The following ARHGEF33 variants were observed in gnomAD, a reference collection of about 807,000 sequenced individuals.
ARHGEF33 encodes the protein DH and coiled-coil domain-containing protein ENSP00000381780.
Under a neutral mutation model 101.9 loss-of-function variants are expected in ARHGEF33, and 72 were observed. The observed-to-expected ratio is 0.71, with a 90% CI of 0.58 to 0.86. The LOEUF (loss-of-function observed/expected upper bound fraction) is 0.86. ARHGEF33 is among the 40% of genes least tolerant of loss of function. The probability of loss-of-function intolerance (pLI) is 0.00; values close to 1 mark genes in which losing one functional copy is unlikely to be tolerated. For synonymous variants in ARHGEF33, 499 were observed against 442.5 expected (o/e 1.13, Z -1.60); for missense variants, 1,169 against 1,111.3 (o/e 1.05, Z -0.74).
chr2:38,909,232 G>C (rs1471330241), intron 2 of ARHGEF33, among the ~76,000 whole-genome samples: 1 of 152,162 alleles, frequency 6.6e-6, no homozygotes, highest in Non-Finnish European at 1.5e-5. Context: ...GGGCTGACTT[G>C]AGCACCAAGG....
intron 15 of ARHGEF33, 43 bp from the exon 16 acceptor site, chr2:38,959,798 G>C (rs374161605): frequency 2.0e-6 from 3 of 1,485,252 alleles, no homozygotes; most frequent in African/African-American, 1.4e-5. Context: ...TGCACTAACC[G>C]GCCGTAAGCA....
chr2:38,929,062 C>T lies in ARHGEF33; in HGVS notation c.231C>T (p.Asn77=). The T allele has an allele frequency of 1.3e-6, 2 of 1,549,362 alleles. No homozygotes were observed. The highest frequency in any genetic ancestry group is 1.7e-6 in the Non-Finnish European group (2 of 1,145,860). Residue 77 remains asparagine, a synonymous_variant, in exon 5 of 18, where the codon AAC becomes AAT. Transcript: ENST00000409978. The part of the protein sequence containing the change: ...EKVTEMKNSL[N]YFKEELSNAM... ...TTACTGAGATGAAGAATTCATTAAA[C>T]TATTTCAAGGTAGGCCTCTCTTTAA...
chr2:38,898,817 T>G (rs2124978540), intron 2 of ARHGEF33, among the ~76,000 whole-genome samples: 1 of 152,354 alleles, frequency 6.6e-6, no homozygotes, highest in East Asian at 1.9e-4. Context: ...CTTGGAAGAG[T>G]AAACTGTGCA....
rs553835275 is a variant in ARHGEF33, at chr2:38,975,416, A to C, written c.*1573A>C. The C allele has an allele frequency of 6.6e-6, 1 of 152,354 alleles. No individual in the cohort carries two copies. The highest frequency in any genetic ancestry group is 2.1e-4 in the South Asian group (1 of 4,820). The allele number at this position is 152,354 out of a possible 1,614,324, so 9.4% of individuals were successfully genotyped here. ...GGACGTGGAAAGTGAAATACTACAG[A>C]AGTCACAATCTATTAAATAAAATGT... On this transcript the variant is annotated 3_prime_UTR_variant, in exon 18 of 18. Transcript: ENST00000409978.
chr2:38,949,860 C>T (rs542781194), intron 10 of ARHGEF33, among the ~76,000 whole-genome samples: 6 of 152,104 alleles, frequency 3.9e-5, no homozygotes, highest in Admixed American at 6.5e-5. Flanking sequence ...TGTCACAGGG[C>T]GCAGCAGGAG....
chr2:38,921,306 G>A (rs540950261), intron 3 of ARHGEF33, 68 bp from the exon 4 acceptor site: 2 of 934,528 alleles, frequency 2.1e-6, no homozygotes, highest in Non-Finnish European at 1.7e-6. Flanking sequence ...CTTATTCCCT[G>A]CATGTATCTG....
intron 2 of ARHGEF33, among the ~76,000 whole-genome samples, chr2:38,912,531 T>C (rs945945469): frequency 3.3e-5 from 5 of 152,224 alleles, no homozygotes; most frequent in African/African-American, 1.2e-4. Flanking sequence ...AATTCTGTTC[T>C]GGAAACTTAG....
At chr2:38,892,818 C>T (rs1220625905) in intron 1 of ARHGEF33, among the ~76,000 whole-genome samples, 1 of 152,014 alleles carries the variant, frequency 6.6e-6, no homozygotes, top group African/African-American at 2.4e-5. Context: ...CTATCTGTGC[C>T]CTCCTTTCCT....
At chr2:38,951,720 C>T (rs1475096862) in intron 11 of ARHGEF33, among the ~76,000 whole-genome samples, 4 of 151,126 alleles carry the variant, frequency 2.6e-5, no homozygotes, top group Non-Finnish European at 5.9e-5. Context: ...TATATACACA[C>T]ATGAGATATA....
intron 5 of ARHGEF33, 25 bp downstream of exon 5, chr2:38,929,096 C>T (rs996959441): frequency 6.5e-7 from 1 of 1,530,864 alleles, no homozygotes. Context: ...AATTTCCCTG[C>T]TGACAAGAGA....
chr2:38,966,855 A>G (rs1668062742), intron 17 of ARHGEF33, among the ~76,000 whole-genome samples: 1 of 152,198 alleles, frequency 6.6e-6, no homozygotes, highest in Non-Finnish European at 1.5e-5. Context: ...GAGAGAGGTG[A>G]GCATTAGCAT....
Position 38,960,180 on chromosome 2 carries a change from G to C in ARHGEF33, c.1875G>C (p.Leu625=). The C allele has an allele frequency of 2.6e-6, 4 of 1,543,478 alleles. No homozygotes were observed. Among genetic ancestry groups the C allele is most frequent in the Non-Finnish European group, 2.6e-6 (3 of 1,144,594 alleles). The change falls in exon 16 of 18, where the codon CTG becomes CTC. Residue 625 remains leucine, a synonymous_variant. Transcript: ENST00000409978. ...EFEYGGEIFA[L]PAPYDEEPFQ... ...AGTACGGCGGCGAGATCTTCGCGCT[G>C]CCCGCGCCCTACGACGAGGAGCCGT...
intron 9 of ARHGEF33, among the ~76,000 whole-genome samples, chr2:38,938,220 T>A (rs1667200583): frequency 6.6e-6 from 1 of 152,072 alleles, no homozygotes; most frequent in Non-Finnish European, 1.5e-5. Context: ...GGGTACACAG[T>A]CTTCCCCTGC....
intron 4 of ARHGEF33, among the ~76,000 whole-genome samples, chr2:38,923,714 G>T (rs990096692): frequency 1.3e-5 from 2 of 152,186 alleles, no homozygotes; most frequent in Non-Finnish European, 2.9e-5. Context: ...GTCTCATGCA[G>T]TCATTCAGTC....
chr2:38,973,927 T>TAG lies in ARHGEF33; in HGVS notation c.*85_*86insGA. 1.2e-6 allele frequency: 1 copy of TAG among 807,000 alleles called. No homozygotes were observed. The highest frequency in any genetic ancestry group is 1.6e-6 in the Non-Finnish European group (1 of 623,250). 50.0% of individuals were successfully genotyped at this position (807,000 alleles called of 1,614,324 possible). ...CTGTGTAGGAATATATATATATATC[T>TAG]ATATCTATATATATATATATATCGA... On this transcript the variant is annotated 3_prime_UTR_variant, in exon 18 of 18. Transcript: ENST00000409978.
rs1314616150 is a variant in ARHGEF33, at chr2:38,944,046, T to C, written c.920+16T>C. ...AAGAGAGAAGGTATCCATGCACTCA[T>C]TGCCTTTGCTTTTCAGATTGATTAG... is the stretch of plus-strand genomic sequence containing the variant. On this transcript the variant is annotated intron_variant, in intron 10 of 17. Transcript: ENST00000409978. The C allele has an allele frequency of 2.0e-6, 3 of 1,533,304 alleles. No homozygotes were observed. Among genetic ancestry groups the C allele is most frequent in the South Asian group, 2.5e-5 (2 of 80,420 alleles). The allele number at this position is 1,533,304 out of a possible 1,614,324, so 95.0% of individuals were successfully genotyped here. A position where few individuals can be genotyped will look rare whatever the true frequency, so the allele number is the denominator to read the frequency against.
At chr2:38,959,609 C>T in intron 15 of ARHGEF33, 1 of 474,888 alleles carries the variant, frequency 2.1e-6, no homozygotes, top group Non-Finnish European at 3.7e-6. Flanking sequence ...GCCCGCAGGC[C>T]ATTTCCCAGA....
chr2:38,934,408 C>T (rs1667078191), intron 7 of ARHGEF33, among the ~76,000 whole-genome samples: 1 of 151,560 alleles, frequency 6.6e-6, no homozygotes, highest in Non-Finnish European at 1.5e-5. Flanking sequence ...GCATTCAAGC[C>T]ACCCTGACAT....
At chr2:38,956,694 G>T (rs1013298113) in intron 13 of ARHGEF33, among the ~76,000 whole-genome samples, 1 of 152,230 alleles carries the variant, frequency 6.6e-6, no homozygotes, top group African/African-American at 2.4e-5. Flanking sequence ...AAACAGGTAC[G>T]ATAGTGACTT....
Sources: gnomAD v4.1 joint callset for allele counts (sites outside exome capture counted in the v4.1 genomes callset) on GRCh38, gnomAD v4.1.1 for gene constraint, MANE v1.5 for transcripts, NCBI Gene and HGNC (gene_info 2026-07-23, HGNC 2026-07-21) for gene names.